The following AP1S3 variants were observed in gnomAD, a reference collection of about 807,000 sequenced individuals.
AP1S3 encodes the protein adaptor related protein complex 1 subunit sigma 3.
AP1S3 carries 10 observed loss-of-function variants against 20.9 expected under a neutral mutation model. The ratio of observed to expected loss-of-function variants is 0.48; its 90% CI spans 0.29 to 0.81. The LOEUF (loss-of-function observed/expected upper bound fraction) is 0.81, where lower values mean the gene tolerates loss of function less well. Among genes scored for constraint, AP1S3 ranks in the 30% least tolerant of loss-of-function variants. The pLI is 0.08. For synonymous variants in AP1S3, 41 were observed against 61.5 expected (o/e 0.67, Z 1.56); for missense variants, 154 against 183.8 (o/e 0.84, Z 0.94).
intron 1 of AP1S3, among the ~76,000 whole-genome samples, chr2:223,804,579 T>C (rs187927044): frequency 8.5e-5 from 13 of 152,250 alleles, no homozygotes; most frequent in Admixed American, 4.6e-4. Context: ...TGGTGGCACA[T>C]GCCTATAGTC....
intron 1 of AP1S3, among the ~76,000 whole-genome samples, chr2:223,824,615 G>T (rs1033291070): frequency 6.6e-6 from 1 of 152,024 alleles, no homozygotes; most frequent in African/African-American, 2.4e-5. Context: ...TCGGCTCATT[G>T]TAACCTCCCC....
chr2:223,787,601 T>C (rs1174066339), intron 1 of AP1S3, among the ~76,000 whole-genome samples: 2 of 152,168 alleles, frequency 1.3e-5, no homozygotes, highest in African/African-American at 4.8e-5. Context: ...GAGCAATACT[T>C]GGGGGCACCA....
chr2:223,825,155 T>C (rs1239579968), intron 1 of AP1S3, among the ~76,000 whole-genome samples: 1 of 151,092 alleles, frequency 6.6e-6, no homozygotes, highest in Non-Finnish European at 1.5e-5. Flanking sequence ...TAAAAAAAAA[T>C]ACAAAAAATT....
At chr2:223,811,452 C>A (rs1192413664) in intron 1 of AP1S3, among the ~76,000 whole-genome samples, 1 of 151,524 alleles carries the variant, frequency 6.6e-6, no homozygotes, top group African/African-American at 2.4e-5. Context: ...ACCTGTCATC[C>A]CAGCTACTCA....
intron 4 of AP1S3, among the ~76,000 whole-genome samples, chr2:223,763,061 T>G (rs1287284555): frequency 6.6e-6 from 1 of 152,218 alleles, no homozygotes; most frequent in Non-Finnish European, 1.5e-5. Context: ...GAATATTTAC[T>G]GACTTCACTG....
chr2:223,758,971 T>A (rs1248410090), intron 4 of AP1S3, among the ~76,000 whole-genome samples: 1 of 152,136 alleles, frequency 6.6e-6, no homozygotes, highest in Non-Finnish European at 1.5e-5. Flanking sequence ...TGAGAAAAAG[T>A]TAAGCTTGAT....
intron 1 of AP1S3, among the ~76,000 whole-genome samples, chr2:223,821,193 G>A (rs150574208): frequency 8.2e-4 from 124 of 151,976 alleles, no homozygotes; most frequent in African/African-American, 2.8e-3. Flanking sequence ...TCACACTGTC[G>A]CCCAGGCTGG....
At chr2:223,781,763 C>T (rs565759026) in intron 1 of AP1S3, among the ~76,000 whole-genome samples, 5 of 152,082 alleles carry the variant, frequency 3.3e-5, no homozygotes, top group East Asian at 1.9e-4. Context: ...CATCACGGTG[C>T]GTAAGATTAT....
intron 1 of AP1S3, among the ~76,000 whole-genome samples, chr2:223,797,978 T>A (rs902684495): frequency 6.6e-6 from 1 of 152,142 alleles, no homozygotes; most frequent in South Asian, 2.1e-4. Flanking sequence ...GACTACCTAT[T>A]TGAGGAAGTG....
chr2:223,806,541 C>G (rs1691588105), intron 1 of AP1S3, among the ~76,000 whole-genome samples: 1 of 152,118 alleles, frequency 6.6e-6, no homozygotes, highest in Non-Finnish European at 1.5e-5. Flanking sequence ...ACCTCAGCCT[C>G]CCAAAGTGCT....
At position 223,758,027 on chromosome 2, in the gene AP1S3, G is replaced by T. The variant is rs1690263978; in HGVS notation, c.*688C>A. 1 of 975,748 alleles carries T rather than the reference G, an allele frequency of 1.0e-6. No individual in the cohort carries two copies. The highest frequency in any genetic ancestry group is 4.7e-5 in the South Asian group (1 of 21,098). 60.4% of individuals were successfully genotyped at this position (975,748 alleles called of 1,614,324 possible). On this transcript the variant is annotated 3_prime_UTR_variant, in exon 5 of 5. Transcript: ENST00000396654. ...AGTTCATAGAAAACCTTATTGGAAT[G>T]TCCCTTATATTCAATTAAAAGATAA...
chr2:223,757,839 T>A lies in AP1S3; in HGVS notation c.*876A>T, dbSNP rs1450109184. On this transcript the variant is annotated 3_prime_UTR_variant, in exon 5 of 5. Transcript: ENST00000396654. ...TGCATTAGAGATACATTAAAACATA[T>A]TTGAAATGAAATTTCCAGCATCTAA... is the stretch of plus-strand genomic sequence containing the variant. 1 of 985,308 alleles carries A rather than the reference T, an allele frequency of 1.0e-6. No individual in the cohort carries two copies. The highest frequency in any genetic ancestry group is 1.1e-4 in the East Asian group (1 of 8,820). 61.0% of individuals were successfully genotyped at this position (985,308 alleles called of 1,614,324 possible).
chr2:223,818,422 CA>C (rs202075838), intron 1 of AP1S3, among the ~76,000 whole-genome samples: 36 of 141,460 alleles, frequency 2.5e-4, no homozygotes, highest in South Asian at 2.2e-4. Context: ...GACTCCATCT[CA>C]AAAAAAAAAA....
intron 3 of AP1S3, among the ~76,000 whole-genome samples, chr2:223,771,966 G>T (rs1188467037): frequency 6.6e-6 from 1 of 152,094 alleles, no homozygotes; most frequent in African/African-American, 2.4e-5. Flanking sequence ...AATTAGCCAG[G>T]CATGGTGGCA....
At chr2:223,778,010 T>C in intron 1 of AP1S3, 141 bp from the exon 2 acceptor site, 1 of 664,492 alleles carries the variant, frequency 1.5e-6, no homozygotes. Context: ...ATGAAAACTA[T>C]CTCATCTGAC....
At chr2:223,822,454 G>A (rs924608530) in intron 1 of AP1S3, among the ~76,000 whole-genome samples, 1 of 152,080 alleles carries the variant, frequency 6.6e-6, no homozygotes, top group South Asian at 2.1e-4. Context: ...GGAGGCTGAG[G>A]TGGGTGGATC....
chr2:223,778,097 A>G (rs568444936), intron 1 of AP1S3, among the ~76,000 whole-genome samples: 6 of 152,028 alleles, frequency 3.9e-5, no homozygotes, highest in African/African-American at 1.5e-4. Context: ...TAGGAGAAAA[A>G]TAAGTTTTTT....
chr2:223,832,784 C>T (rs73991883), intron 1 of AP1S3, among the ~76,000 whole-genome samples: 1,861 of 147,830 alleles, frequency 0.013, 28 homozygotes, highest in African/African-American at 0.041. Flanking sequence ...TTAAAATGAA[C>T]AAAGGAATTT....
At chr2:223,770,541 TAC>T (rs1690598930) in intron 3 of AP1S3, among the ~76,000 whole-genome samples, 1 of 94,796 alleles carries the variant, frequency 1.1e-5, no homozygotes, top group African/African-American at 4.7e-5. Flanking sequence ...CCCCTTGATA[TAC>T]AGTTACTATC....
Sources: allele counts gnomAD v4.1 joint callset (sites outside exome capture counted in the v4.1 genomes callset), GRCh38; gene constraint gnomAD v4.1.1; transcripts MANE v1.5; gene names NCBI Gene and HGNC (gene_info 2026-07-23, HGNC 2026-07-21).